DDX46: variants seen among roughly 807,000 people sequenced by gnomAD.
DDX46 encodes DEAD-box helicase 46, also known as probable ATP-dependent RNA helicase DDX46.
A neutral mutation model predicts 134.9 loss-of-function variants in DDX46; 30 were observed. The observed-to-expected ratio is 0.22, with a 90% CI of 0.17 to 0.30. The LOEUF is 0.30. DDX46 is among the 10% of genes least tolerant of loss of function. DDX46 has a pLI of 1.00. For missense variants in DDX46, 622 were observed against 1,248.7 expected (o/e 0.50, Z 7.56); for synonymous variants, 415 against 404.1 (o/e 1.03, Z -0.32).
chr5:134,765,341 T>C (rs1039653809), intron 2 of DDX46, among the ~76,000 whole-genome samples: 17 of 148,868 alleles, frequency 1.1e-4, no homozygotes, highest in African/African-American at 4.0e-4. Context: ...GTCAGGAGTT[T>C]GAGACCAGCC....
At chr5:134,816,647 A>G (rs1482294828) in intron 19 of DDX46, 41 bp downstream of exon 19, 3 of 1,579,596 alleles carry the variant, frequency 1.9e-6, no homozygotes, top group Admixed American at 1.8e-5. Flanking sequence ...ACTTTTAAGA[A>G]GTTCTTTGAT....
At chr5:134,816,372 CTT>C in intron 18 of DDX46, 56 bp from the exon 19 acceptor site, 1 of 1,460,562 alleles carries the variant, frequency 6.8e-7, no homozygotes, top group Non-Finnish European at 9.3e-7. Flanking sequence ...TGTAGAATAA[CTT>C]AATTTGGTAT....
chr5:134,785,650 A>G (rs1265659952), intron 11 of DDX46, 64 bp downstream of exon 11: 3 of 1,525,036 alleles, frequency 2.0e-6, no homozygotes, highest in Non-Finnish European at 2.6e-6. Flanking sequence ...TCAATAAAGT[A>G]AAAGTGACTT....
At chr5:134,803,418 A>G (rs901129751) in intron 15 of DDX46, among the ~76,000 whole-genome samples, 3 of 151,950 alleles carry the variant, frequency 2.0e-5, no homozygotes, top group Non-Finnish European at 2.9e-5. Context: ...TTTCTGCTCC[A>G]TTCTTCTCAG....
chr5:134,824,511 A>G (rs902741154), intron 21 of DDX46, among the ~76,000 whole-genome samples: 8 of 152,110 alleles, frequency 5.3e-5, no homozygotes, highest in African/African-American at 1.7e-4. Context: ...AACAGAAGGT[A>G]GAGGTTGCAG....
At chr5:134,764,933 C>T (rs974857003) in intron 2 of DDX46, among the ~76,000 whole-genome samples, 2 of 151,318 alleles carry the variant, frequency 1.3e-5, no homozygotes, top group African/African-American at 2.4e-5. Flanking sequence ...CTTCATTTTG[C>T]TAAACAGTGT....
intron 5 of DDX46, 22 bp downstream of exon 5, chr5:134,773,883 C>T: frequency 6.4e-7 from 1 of 1,573,154 alleles, no homozygotes; most frequent in Non-Finnish European, 8.6e-7. Flanking sequence ...AGCCTAATAG[C>T]CTGTATAACA....
intron 20 of DDX46, among the ~76,000 whole-genome samples, chr5:134,818,570 C>T (rs559681950): frequency 1.7e-3 from 260 of 151,534 alleles, no homozygotes; most frequent in Non-Finnish European, 2.7e-3. Context: ...GGCATGGTGG[C>T]GCATGCCTGT....
intron 1 of DDX46, among the ~76,000 whole-genome samples, chr5:134,763,262 T>G (rs1753452394): frequency 6.6e-6 from 1 of 152,078 alleles, no homozygotes; most frequent in Non-Finnish European, 1.5e-5. Flanking sequence ...TTAATGAGGT[T>G]GTGTCACTCC....
intron 15 of DDX46, among the ~76,000 whole-genome samples, chr5:134,796,369 A>G (rs1478526455): frequency 6.6e-6 from 1 of 152,212 alleles, no homozygotes; most frequent in East Asian, 1.9e-4. Flanking sequence ...TTCCATCGCC[A>G]TTTATCAACT....
At chr5:134,791,214 C>A (rs141004200) in intron 13 of DDX46, among the ~76,000 whole-genome samples, 1 of 152,154 alleles carries the variant, frequency 6.6e-6, no homozygotes, top group Non-Finnish European at 1.5e-5. Flanking sequence ...AAGTCATTCA[C>A]GTTTGCTAAG....
intron 4 of DDX46, among the ~76,000 whole-genome samples, chr5:134,773,273 T>G (rs1462867927): frequency 6.6e-6 from 1 of 152,226 alleles, no homozygotes; most frequent in Non-Finnish European, 1.5e-5. Flanking sequence ...GTTTATTTTC[T>G]AACTTGTAAT....
At chr5:134,793,059 AAG>A (rs142210663) in intron 13 of DDX46, among the ~76,000 whole-genome samples, 1,818 of 152,250 alleles carry the variant, frequency 0.012, 36 homozygotes, top group African/African-American at 0.042. Context: ...CAGGAGGCTG[AAG>A]TAGCAGGATT....
intron 13 of DDX46, 46 bp downstream of exon 13, chr5:134,790,598 T>C: frequency 1.3e-6 from 2 of 1,498,306 alleles, no homozygotes; most frequent in Non-Finnish European, 1.8e-6. Context: ...AATATAACTT[T>C]GTAGTTGCCA....
chr5:134,820,974 T>C (rs1443840719), intron 21 of DDX46, among the ~76,000 whole-genome samples: 1 of 150,158 alleles, frequency 6.7e-6, no homozygotes, highest in Non-Finnish European at 1.5e-5. Flanking sequence ...CAAGTAATTC[T>C]CGTGCCTCAG....
At chr5:134,759,095 C>T in intron 1 of DDX46, 140 bp downstream of exon 1, 2 of 1,336,738 alleles carry the variant, frequency 1.5e-6, no homozygotes, top group East Asian at 2.4e-5. Context: ...ATTGGAAGGG[C>T]TGGGGGACCT....
At chr5:134,764,180 G>A in intron 2 of DDX46, 88 bp downstream of exon 2, 1 of 1,334,320 alleles carries the variant, frequency 7.5e-7, no homozygotes, top group Non-Finnish European at 1.0e-6. Flanking sequence ...GTTTTCAACT[G>A]GAGTTTGGTG....
At chr5:134,786,962 G>T (rs1050061594) in intron 11 of DDX46, among the ~76,000 whole-genome samples, 1 of 151,994 alleles carries the variant, frequency 6.6e-6, no homozygotes, top group African/African-American at 2.4e-5. Context: ...TTACTCTGTT[G>T]CCCGGGCTGG....
chr5:134,805,400 T>C (rs747509872), intron 15 of DDX46, among the ~76,000 whole-genome samples: 66 of 152,068 alleles, frequency 4.3e-4, no homozygotes, highest in Non-Finnish European at 8.5e-4. Flanking sequence ...AATCCTGAGC[T>C]TGTAATCCGC....
Sources: gnomAD v4.1 joint callset for allele counts (sites outside exome capture counted in the v4.1 genomes callset) on GRCh38, gnomAD v4.1.1 for gene constraint, MANE v1.5 for transcripts, NCBI Gene and HGNC (gene_info 2026-07-23, HGNC 2026-07-21) for gene names.